The following NPAS3 variants were observed in gnomAD, a reference collection of about 807,000 sequenced individuals.
The protein encoded by NPAS3 is neuronal PAS domain protein 3, also known as neuronal PAS domain-containing protein 3.
A neutral mutation model predicts 73.1 loss-of-function variants in NPAS3; 14 were observed. That is an observed-to-expected ratio of 0.19 (90% CI 0.13 to 0.30). The LOEUF is 0.30. NPAS3 is among the 10% of genes least tolerant of loss of function. NPAS3 has a pLI of 1.00. For missense variants in NPAS3, 1,096 were observed against 1,250.0 expected (o/e 0.88, Z 1.86); for synonymous variants, 620 against 541.5 (o/e 1.14, Z -2.01).
chr14:32,976,810 A>G (rs868797110), intron 1 of NPAS3, among the ~76,000 whole-genome samples: 5 of 152,210 alleles, frequency 3.3e-5, no homozygotes, highest in Non-Finnish European at 4.4e-5. Flanking sequence ...TTATTTGAAC[A>G]AACTCCTACT....
chr14:33,004,817 CTTTTTTT>C, intron 1 of NPAS3, among the ~76,000 whole-genome samples: 4 of 63,998 alleles, frequency 6.3e-5, no homozygotes, highest in Non-Finnish European at 1.4e-4. Flanking sequence ...AAAAGTTTTC[CTTTTTTT>C]TTTTTTTTTT....
chr14:33,583,956 T>C (rs527972977), intron 5 of NPAS3, among the ~76,000 whole-genome samples: 1 of 152,284 alleles, frequency 6.6e-6, no homozygotes, highest in African/African-American at 2.4e-5. Flanking sequence ...AGGGAGCCAA[T>C]GAATTTGGAT....
chr14:33,735,158 G>A (rs2061491121), intron 6 of NPAS3, 56 bp from the exon 7 acceptor site: 4 of 1,236,258 alleles, frequency 3.2e-6, no homozygotes, highest in Non-Finnish European at 4.8e-6. Context: ...AGCTGTAGCT[G>A]TGAGGGGCTG....
At chr14:33,117,592 T>A (rs1340819003) in intron 2 of NPAS3, among the ~76,000 whole-genome samples, 1 of 152,146 alleles carries the variant, frequency 6.6e-6, no homozygotes, top group Non-Finnish European at 1.5e-5. Flanking sequence ...AAAATCAAGA[T>A]CCTTTCTGAA....
chr14:33,308,294 C>A (rs1303669651), intron 3 of NPAS3, among the ~76,000 whole-genome samples: 1 of 151,950 alleles, frequency 6.6e-6, no homozygotes, highest in Non-Finnish European at 1.5e-5. Context: ...GTTTACCCCA[C>A]CCCCAACAAC....
Position 33,785,735 on chromosome 14 carries a change from A to G in NPAS3, c.1153+7163A>G, listed in dbSNP as rs560946432. On this transcript the variant is annotated intron_variant, in intron 9 of 11. Coordinates refer to ENST00000356141, the Ensembl canonical transcript of NPAS3. ...AAGATCAGGTCATTCAAATCTCTTC[A>G]TGAACTCCCACATCTTCTCTGGCTT... 7.2e-5 allele frequency among the ~76,000 whole-genome samples: 11 copies of G among 152,252 alleles called. 1 individual carries two copies. The South Asian group carries it at 2.3e-3, about 32-fold the overall frequency.
intron 4 of NPAS3, among the ~76,000 whole-genome samples, chr14:33,403,685 A>C (rs2047541737): frequency 6.6e-6 from 1 of 151,906 alleles, no homozygotes. Context: ...TTATCTTCTC[A>C]CCCACTCTTT....
chr14:33,573,913 C>G (rs1397159610), intron 5 of NPAS3, among the ~76,000 whole-genome samples: 1 of 152,092 alleles, frequency 6.6e-6, no homozygotes, highest in South Asian at 2.1e-4. Context: ...GGGATGGACT[C>G]GAGAAGCCTT....
At chr14:33,034,487 C>T (rs142357293) in intron 1 of NPAS3, among the ~76,000 whole-genome samples, 6,149 of 150,932 alleles carry the variant, frequency 0.041, 152 homozygotes, top group Middle Eastern at 0.057. Context: ...ATATGTAAAA[C>T]TATATATTAA....
At chr14:33,301,323 T>TATATATATA (rs1555370644) in intron 3 of NPAS3, among the ~76,000 whole-genome samples, 32 of 81,512 alleles carry the variant, frequency 3.9e-4, no homozygotes, top group South Asian at 8.6e-4. Flanking sequence ...TATATATATA[T>TATATATATA]TTTTTTTTTT....
chr14:33,262,443 T>G (rs2139963399), intron 3 of NPAS3, among the ~76,000 whole-genome samples: 1 of 152,318 alleles, frequency 6.6e-6, no homozygotes, highest in Middle Eastern at 3.4e-3. Context: ...TTCCAGGACC[T>G]GCAAGGTCAT....
intron 4 of NPAS3, among the ~76,000 whole-genome samples, chr14:33,530,153 T>C (rs976881556): frequency 1.3e-5 from 2 of 152,182 alleles, no homozygotes; most frequent in Non-Finnish European, 2.9e-5. Context: ...TTTTGCTCTT[T>C]AGTGAGTTTA....
Position 33,585,710 on chromosome 14 carries a change from A to G in NPAS3, c.558+25500A>G, listed in dbSNP as rs142919145. On this transcript the variant is annotated intron_variant, in intron 5 of 11. Transcript: ENST00000356141. ...CAGAACTAATGTCATTAATGTTCCA[A>G]AGGGTTTACCTCCTCATAATTTCTT... 3.5e-4 allele frequency among the ~76,000 whole-genome samples: 54 copies of G among 152,314 alleles called. 1 individual carries two copies. Among genetic ancestry groups the G allele is most frequent in the African/African-American group, 1.2e-3 (50 of 41,564 alleles).
At chr14:32,977,149 C>T (rs2037713244) in intron 1 of NPAS3, among the ~76,000 whole-genome samples, 1 of 150,570 alleles carries the variant, frequency 6.6e-6, no homozygotes, top group African/African-American at 2.5e-5. Flanking sequence ...ACTGATTTGT[C>T]ACTATAATTA....
chr14:33,142,487 C>T (rs1595538277), intron 2 of NPAS3, among the ~76,000 whole-genome samples: 1 of 151,998 alleles, frequency 6.6e-6, no homozygotes, highest in Admixed American at 6.5e-5. Flanking sequence ...TTTTCTGTGC[C>T]ATATGTCAGT....
intron 6 of NPAS3, among the ~76,000 whole-genome samples, chr14:33,731,423 G>GAA (rs11322471): frequency 1.3e-4 from 16 of 121,608 alleles, no homozygotes; most frequent in African/African-American, 4.7e-4. Flanking sequence ...TGTCTCATTT[G>GAA]AAAAAAAAAA....
At chr14:33,248,628 G>A (rs1594504275) in intron 3 of NPAS3, among the ~76,000 whole-genome samples, 1 of 152,278 alleles carries the variant, frequency 6.6e-6, no homozygotes, top group East Asian at 1.9e-4. Context: ...CTGGTGTGTA[G>A]TGACAGTGCA....
At chr14:32,944,187 A>G (rs1262239516) in intron 1 of NPAS3, among the ~76,000 whole-genome samples, 2 of 152,186 alleles carry the variant, frequency 1.3e-5, no homozygotes. Flanking sequence ...ATTAACACTC[A>G]TGAAAGCAGA....
intron 4 of NPAS3, among the ~76,000 whole-genome samples, chr14:33,446,891 A>G (rs1035328562): frequency 6.6e-6 from 1 of 152,228 alleles, no homozygotes; most frequent in African/African-American, 2.4e-5. Context: ...TTGAGGTGAA[A>G]TACTATGTTT....
Sources: gnomAD v4.1 joint callset for allele counts (sites outside exome capture counted in the v4.1 genomes callset) on GRCh38, gnomAD v4.1.1 for gene constraint, MANE v1.5 for transcripts, NCBI Gene and HGNC (gene_info 2026-07-23, HGNC 2026-07-21) for gene names.